Variants in CDK17 observed in about 807,000 individuals in gnomAD.
CDK17 encodes the protein cyclin-dependent kinase 17.
A neutral mutation model predicts 77.6 loss-of-function variants in CDK17; 24 were observed. The ratio of observed to expected loss-of-function variants is 0.31; its 90% confidence interval spans 0.22 to 0.44. The LOEUF (loss-of-function observed/expected upper bound fraction) is 0.44, where lower values mean the gene tolerates loss of function less well. Among genes scored for constraint, CDK17 ranks in the 20% least tolerant of loss-of-function variants. CDK17 has a pLI of 1.00. For synonymous variants in CDK17, 203 were observed against 210.4 expected (o/e 0.96, Z 0.30); for missense variants, 429 against 622.5 (o/e 0.69, Z 3.31).
chr12:96,341,032 CCT>C (rs960418238), intron 1 of CDK17, among the ~76,000 whole-genome samples: 4 of 152,056 alleles, frequency 2.6e-5, no homozygotes, highest in Non-Finnish European at 5.9e-5. Context: ...CTGTTGATCC[CCT>C]CTTTGTGTCC....
intron 2 of CDK17, among the ~76,000 whole-genome samples, chr12:96,326,731 G>C (rs992307136): frequency 1.1e-4 from 16 of 152,266 alleles, no homozygotes; most frequent in African/African-American, 3.9e-4. Flanking sequence ...GACATTGCTG[G>C]TCCAGGGATC....
At chr12:96,347,980 T>C (rs1333996702) in intron 1 of CDK17, among the ~76,000 whole-genome samples, 4 of 151,694 alleles carry the variant, frequency 2.6e-5, no homozygotes, top group African/African-American at 9.7e-5. Context: ...ACAAGAGATA[T>C]AAAAAAGACC....
rs1952133004 is a variant in CDK17 at position 96,278,407 on chromosome 12, T to G, written c.*1835A>C. 1 of 152,076 alleles carries G rather than the reference T, an allele frequency of 6.6e-6. No individual in the cohort carries two copies. Among genetic ancestry groups the G allele is most frequent in the Admixed American group, 6.5e-5 (1 of 15,270 alleles). 9.4% of individuals were successfully genotyped at this position (152,076 alleles called of 1,614,324 possible). On this transcript the variant is annotated 3_prime_UTR_variant, in exon 17 of 17. Coordinates refer to ENST00000261211, the MANE Select transcript of CDK17 (RefSeq NM_002595.5). ...ATAAAAAAAACCCAGCAGAAATTAC[T>G]AAGCAAATGATTGGCACAAACAGAA...
chr12:96,321,737 C>A (rs1451907628), intron 3 of CDK17, among the ~76,000 whole-genome samples: 1 of 104,498 alleles, frequency 9.6e-6, no homozygotes, highest in Non-Finnish European at 1.9e-5. Flanking sequence ...CATATTCTCA[C>A]TCATAGGTGG....
At position 96,309,903 on chromosome 12, in the gene CDK17, T is replaced by C. The variant is rs184554357; in HGVS notation, c.543+1149A>G. On this transcript the variant is annotated intron_variant, in intron 5 of 16. Coordinates refer to ENST00000261211, the MANE Select transcript of CDK17 (RefSeq NM_002595.5). ...ATATGCTAGTGATATACGTATAAGT[T>C]GGTACAACCACTCTGGAAAGCTGTT... Among the ~76,000 whole-genome samples, 137 of 152,312 alleles carry C rather than the reference T, an allele frequency of 9.0e-4. 1 individual carries two copies. Among genetic ancestry groups the C allele is most frequent in the Admixed American group, 1.9e-3 (29 of 15,290 alleles).
intron 1 of CDK17, among the ~76,000 whole-genome samples, chr12:96,358,702 G>C (rs1592751649): frequency 6.6e-6 from 1 of 152,084 alleles, no homozygotes; most frequent in Non-Finnish European, 1.5e-5. Context: ...GCACACACCT[G>C]TAATCCCAGC....
intron 5 of CDK17, among the ~76,000 whole-genome samples, chr12:96,300,805 A>G (rs922306147): frequency 1.3e-5 from 2 of 152,254 alleles, no homozygotes; most frequent in East Asian, 1.9e-4. Flanking sequence ...AAATGGTTGA[A>G]TATCTATCAA....
At chr12:96,280,666 C>T (rs1741936931) in intron 16 of CDK17, 142 bp downstream of exon 16, 1 of 1,442,264 alleles carries the variant, frequency 6.9e-7, no homozygotes, top group Non-Finnish European at 9.1e-7. Context: ...TGAGTACGTG[C>T]AATGCTAAAC....
chr12:96,398,906 G>C (rs1252867702), intron 1 of CDK17, among the ~76,000 whole-genome samples: 1 of 152,178 alleles, frequency 6.6e-6, no homozygotes, highest in East Asian at 1.9e-4. Context: ...ACAGATTTCA[G>C]CTAAACGCTT....
intron 1 of CDK17, among the ~76,000 whole-genome samples, chr12:96,390,210 G>A (rs1444260575): frequency 6.8e-6 from 1 of 147,540 alleles, no homozygotes; most frequent in Non-Finnish European, 1.5e-5. Flanking sequence ...GGAGTGCAGT[G>A]TGGCGATGTC....
Position 96,279,199 on chromosome 12 carries a change from C to G in CDK17, c.*1043G>C, listed in dbSNP as rs1227263709. ...GTATCTCTGGTAAACAGATAATACC[C>G]ACAATAATTTCAAGCAATCCTGTAA... On this transcript the variant is annotated 3_prime_UTR_variant, in exon 17 of 17. Transcript: ENST00000261211. 1 of 152,094 alleles carries G rather than the reference C, an allele frequency of 6.6e-6. No homozygotes were observed. The highest frequency in any genetic ancestry group is 1.5e-5 in the Non-Finnish European group (1 of 67,972). 9.4% of individuals were successfully genotyped at this position (152,094 alleles called of 1,614,324 possible). A position where few individuals can be genotyped will look rare whatever the true frequency, so the allele number is the denominator to read the frequency against.
intron 9 of CDK17, 130 bp downstream of exon 9, chr12:96,297,140 G>C: frequency 1.8e-6 from 1 of 558,612 alleles, no homozygotes; most frequent in Non-Finnish European, 3.1e-6. Flanking sequence ...ACGTTCAGAG[G>C]ACAATAACCT....
At chr12:96,358,540 G>A (rs1231624554) in intron 1 of CDK17, among the ~76,000 whole-genome samples, 1 of 151,856 alleles carries the variant, frequency 6.6e-6, no homozygotes. Flanking sequence ...AAGGATACAG[G>A]GGCCGGGCAC....
chr12:96,379,446 A>G (rs1953839374), intron 1 of CDK17, among the ~76,000 whole-genome samples: 2 of 151,514 alleles, frequency 1.3e-5, no homozygotes, highest in Admixed American at 1.3e-4. Flanking sequence ...TTTTTTTGAG[A>G]CAGGGTCTCA....
chr12:96,347,704 C>T (rs964407660), intron 1 of CDK17, among the ~76,000 whole-genome samples: 1 of 151,150 alleles, frequency 6.6e-6, no homozygotes, highest in Non-Finnish European at 1.5e-5. Context: ...TTGTATTAGA[C>T]CTATCAGATA....
At chr12:96,328,717 A>C (rs1462459177) in intron 2 of CDK17, among the ~76,000 whole-genome samples, 1 of 152,218 alleles carries the variant, frequency 6.6e-6, no homozygotes, top group Non-Finnish European at 1.5e-5. Flanking sequence ...TTCCCATTAC[A>C]CATCCATGTG....
At chr12:96,352,372 GA>G (rs1953324680) in intron 1 of CDK17, among the ~76,000 whole-genome samples, 1 of 151,824 alleles carries the variant, frequency 6.6e-6, no homozygotes, top group African/African-American at 2.4e-5. Context: ...ACCGAAGCCA[GA>G]AGTGGGGCTA....
At chr12:96,282,688 T>TA (rs923153218) in intron 14 of CDK17, 89 bp from the exon 15 acceptor site, 7 of 769,630 alleles carry the variant, frequency 9.1e-6, no homozygotes, top group Admixed American at 2.3e-5. Flanking sequence ...TAGAGCTACT[T>TA]AAAAAAAATC....
intron 1 of CDK17, among the ~76,000 whole-genome samples, chr12:96,371,769 C>T (rs1953697811): frequency 6.6e-6 from 1 of 152,068 alleles, no homozygotes; most frequent in African/African-American, 2.4e-5. Context: ...AATTTCATTT[C>T]CCTTCAAAAA....
Sources: gnomAD v4.1 joint callset for allele counts (sites outside exome capture counted in the v4.1 genomes callset) on GRCh38, gnomAD v4.1.1 for gene constraint, MANE v1.5 for transcripts, NCBI Gene and HGNC (gene_info 2026-07-23, HGNC 2026-07-21) for gene names.